Variants in TWF1 observed in about 807,000 individuals in gnomAD.
TWF1 encodes twinfilin actin binding protein 1, also known as twinfilin-1.
Under a neutral mutation model 47.9 loss-of-function variants are expected in TWF1, and 14 were observed. The observed-to-expected ratio is 0.29, with a 90% CI of 0.19 to 0.46. The LOEUF (loss-of-function observed/expected upper bound fraction) is 0.46. TWF1 is among the 20% of genes least tolerant of loss of function. TWF1 has a pLI of 1.00. For missense variants in TWF1, 281 were observed against 409.3 expected (o/e 0.69, Z 2.70); for synonymous variants, 96 against 139.2 (o/e 0.69, Z 2.18).
chr12:43,802,749 A>C (rs979116218), intron 2 of TWF1, among the ~76,000 whole-genome samples: 3 of 152,214 alleles, frequency 2.0e-5, no homozygotes, highest in African/African-American at 7.2e-5. Flanking sequence ...CAAATAATGT[A>C]ATGACCTATA....
At chr12:43,801,559 T>A (rs1942661871) in intron 3 of TWF1, among the ~76,000 whole-genome samples, 1 of 152,222 alleles carries the variant, frequency 6.6e-6, no homozygotes, top group African/African-American at 2.4e-5. Context: ...CCAGCTTTCC[T>A]AAAATACTTG....
At chr12:43,802,575 A>C in intron 2 of TWF1, 111 bp from the exon 3 acceptor site, 2 of 818,356 alleles carry the variant, frequency 2.4e-6, no homozygotes, top group Non-Finnish European at 1.9e-6. Context: ...ACTATTATTC[A>C]CATCAAAAAG....
Position 43,795,735 on chromosome 12 carries a change from A to G in TWF1, c.903T>C (p.Asp301=), listed in dbSNP as rs1381718070. 4 of 1,613,744 alleles carry G rather than the reference A, an allele frequency of 2.5e-6. No individual in the cohort carries two copies. In the African/African-American group the frequency reaches 5.3e-5, roughly 22 times the overall value. ...VIRKIEIDNG[D]ELTADFLYEE... ...CATAAAGGAAGTCTGCAGTCAACTC[A>G]TCCCCATTGTCTATCTCGATCTGTA... Residue 301 remains aspartate (D), a synonymous_variant, in exon 9 of 9, where the codon GAT becomes GAC. Transcript: ENST00000395510.
chr12:43,803,778 A>G (rs974676068), intron 2 of TWF1, among the ~76,000 whole-genome samples: 9 of 152,266 alleles, frequency 5.9e-5, no homozygotes, highest in African/African-American at 2.2e-4. Flanking sequence ...CAGAAAATAG[A>G]AAACAAATTA....
chr12:43,803,714 T>C (rs1419536309), intron 2 of TWF1, among the ~76,000 whole-genome samples: 2 of 152,120 alleles, frequency 1.3e-5, no homozygotes, highest in African/African-American at 2.4e-5. Context: ...CTATTGAATG[T>C]TGTATGTAAA....
In TWF1 at chr12:43,800,372, C is replaced by T. The variant is rs550051838; in HGVS notation, c.378+63G>A. On this transcript the variant is annotated intron_variant, in intron 4 of 8. Coordinates refer to ENST00000395510, the MANE Select transcript of TWF1 (RefSeq NM_002822.5). ...CTGAATTCGTATCAATTACCCATTA[C>T]CTAGGAGTTCCTCTTTAATCATTTT... The T allele has an allele frequency of 1.2e-4, 141 of 1,219,182 alleles. 1 individual carries two copies. The African/African-American group carries it at 1.6e-3, about 14-fold the overall frequency. The allele number at this position is 1,219,182 out of a possible 1,614,324, so 75.5% of individuals were successfully genotyped here. A position where few individuals can be genotyped will look rare whatever the true frequency, so the allele number is the denominator to read the frequency against.
intron 5 of TWF1, chr12:43,798,656 C>T: frequency 7.1e-7 from 1 of 1,417,672 alleles, no homozygotes; most frequent in South Asian, 1.3e-5. Flanking sequence ...AAGCCCTACT[C>T]AAATAATATG....
At chr12:43,800,379 G>T in intron 4 of TWF1, 56 bp downstream of exon 4, 1 of 1,318,252 alleles carries the variant, frequency 7.6e-7, no homozygotes, top group Non-Finnish European at 1.1e-6. Flanking sequence ...TTACCTAGGA[G>T]TTCCTCTTTA....
At position 43,804,585 on chromosome 12, in the gene TWF1, A is replaced by G. The variant is rs558596478; in HGVS notation, c.26-13T>C. 7.6e-5 allele frequency: 120 copies of G among 1,573,486 alleles called. 1 individual carries two copies. In the South Asian group the frequency reaches 1.4e-3, roughly 18 times the overall value. ...ACATCTTCACTTGCTGTGGAAAAAG[A>G]TAAAGAAAGTAAACTTTTTATACTT... On this transcript the variant is annotated splice_polypyrimidine_tract_variant and intron_variant, in intron 1 of 8. Coordinates refer to ENST00000395510, the MANE Select transcript of TWF1 (RefSeq NM_002822.5).
rs1942531091 is a variant in TWF1, at chr12:43,795,408, A to T, written c.*177T>A. On this transcript the variant is annotated 3_prime_UTR_variant, in exon 9 of 9. Coordinates refer to ENST00000395510, the MANE Select transcript of TWF1 (RefSeq NM_002822.5). ...CCTTTTCTAGCTTTAACTCAAAAAT[A>T]GAAATCATGAGTCTTCTATAACATT... 3.7e-6 allele frequency: 2 copies of T among 545,796 alleles called. No individual in the cohort carries two copies. The highest frequency in any genetic ancestry group is 6.4e-5 in the Admixed American group (2 of 31,332). 33.8% of individuals were successfully genotyped at this position (545,796 alleles called of 1,614,324 possible).
intron 8 of TWF1, among the ~76,000 whole-genome samples, chr12:43,796,755 A>G (rs894989817): frequency 1.3e-5 from 2 of 152,108 alleles, no homozygotes; most frequent in Non-Finnish European, 2.9e-5. Flanking sequence ...AATCTTATTT[A>G]AAGTTAAATA....
chr12:43,806,099 C>G (rs1034036637), intron 1 of TWF1, 122 bp downstream of exon 1: 1 of 1,521,390 alleles, frequency 6.6e-7, no homozygotes, highest in East Asian at 2.5e-5. Flanking sequence ...GCCCGGCTCG[C>G]CCCGCGAGAC....
At chr12:43,806,190 C>T in intron 1 of TWF1, 31 bp downstream of exon 1, 5 of 1,539,476 alleles carry the variant, frequency 3.2e-6, no homozygotes, top group Non-Finnish European at 3.5e-6. Context: ...CCGGAAGCCC[C>T]TTCCCTGCGA....
chr12:43,796,776 G>C (rs1942558143), intron 8 of TWF1, among the ~76,000 whole-genome samples, 200 bp downstream of exon 8: 1 of 152,014 alleles, frequency 6.6e-6, no homozygotes, highest in African/African-American at 2.4e-5. Context: ...GCCACATGTG[G>C]CTTACTAGGA....
chr12:43,799,461 T>G lies in TWF1; in HGVS notation c.420A>C (p.Ser140=). ...CAGTCAGTGGGGCAGGGGAAGATTG[T>G]GACAGCAAGTATTTTTTATATCCAT... ...SLHGYKKYLL[S]QSSPAPLTAA... is the part of the protein sequence containing the mutation. The change falls in exon 5 of 9, where the codon TCA becomes TCC. Residue 140 remains serine, a synonymous_variant. Transcript: ENST00000395510. 1 of 1,610,192 alleles carries G rather than the reference T, an allele frequency of 6.2e-7. No individual in the cohort carries two copies. Among genetic ancestry groups the G allele is most frequent in the Non-Finnish European group, 8.5e-7 (1 of 1,177,938 alleles).
chr12:43,805,740 C>T lies in TWF1; in HGVS notation c.25+481G>A, dbSNP rs1942749618. 3.2e-6 allele frequency: 4 copies of T among 1,257,412 alleles called. No individual in the cohort carries two copies. The Admixed American group carries it at 7.8e-5, about 25-fold the overall frequency. The allele number at this position is 1,257,412 out of a possible 1,614,324, so 77.9% of individuals were successfully genotyped here. On this transcript the variant is annotated intron_variant, in intron 1 of 8. Coordinates refer to ENST00000395510, the MANE Select transcript of TWF1 (RefSeq NM_002822.5). ...AATGCGGGAGAGTTTTGGGAAGCAC[C>T]CCTACTGATGTGAGAAAGATTCTGG...
At position 43,797,045 on chromosome 12, in the gene TWF1, C is replaced by T; in HGVS notation, c.813G>A (p.Leu271=). ...GYTCSIRERM[L]YSSCKSRLLE... Reference sequence around the variant, plus strand: ...GCAGACGGCTCTTGCAGCTAGAATACAGCATCCGCTCTCTTATACTGCATG... The same window carrying T: ...GCAGACGGCTCTTGCAGCTAGAATATAGCATCCGCTCTCTTATACTGCATG... The change falls in exon 8 of 9, where the codon CTG becomes CTA. Residue 271 remains leucine (L), a synonymous_variant. Transcript: ENST00000395510. 3 of 1,611,318 alleles carry T rather than the reference C, an allele frequency of 1.9e-6. No homozygotes were observed. The highest frequency in any genetic ancestry group is 2.5e-6 in the Non-Finnish European group (3 of 1,178,652).
chr12:43,805,939 C>A (rs1284807977), intron 1 of TWF1: 2 of 1,529,386 alleles, frequency 1.3e-6, no homozygotes, highest in East Asian at 2.6e-5. Flanking sequence ...GTGGAAGGCA[C>A]GCCCCCTTCA....
At chr12:43,805,268 C>T (rs1349196790) in intron 1 of TWF1, among the ~76,000 whole-genome samples, 3 of 152,178 alleles carry the variant, frequency 2.0e-5, no homozygotes, top group Non-Finnish European at 4.4e-5. Context: ...GAGTCAATAA[C>T]TACATATTTA....
Sources: gnomAD v4.1 joint callset for allele counts (sites outside exome capture counted in the v4.1 genomes callset) on GRCh38, gnomAD v4.1.1 for gene constraint, MANE v1.5 for transcripts, NCBI Gene and HGNC (gene_info 2026-07-23, HGNC 2026-07-21) for gene names.